The following STXBP5L variants were observed in gnomAD, a reference collection of about 807,000 sequenced individuals.
STXBP5L encodes the protein syntaxin binding protein 5L.
In STXBP5L, 65 loss-of-function variants were observed where a neutral mutation model predicts 144.5. The ratio of observed to expected loss-of-function variants is 0.45; its 90% CI spans 0.37 to 0.55. The LOEUF is 0.55. Among genes scored for constraint, STXBP5L ranks in the 20% least tolerant of loss-of-function variants. STXBP5L has a pLI of 0.00. For missense variants in STXBP5L, 1,298 were observed against 1,405.5 expected, an observed-to-expected ratio of 0.92 and a Z score of 1.22; for synonymous variants, 505 against 469.6, an observed-to-expected ratio of 1.08 and a Z score of -0.97.
intron 22 of STXBP5L, among the ~76,000 whole-genome samples, chr3:121,392,436 T>C (rs1296280890): frequency 6.6e-6 from 1 of 152,158 alleles, no homozygotes; most frequent in African/African-American, 2.4e-5. Flanking sequence ...CCCAATGAGA[T>C]GAACCAGTTA....
chr3:121,129,395 C>T (rs1406649943), intron 7 of STXBP5L, among the ~76,000 whole-genome samples: 1 of 148,344 alleles, frequency 6.7e-6, no homozygotes, highest in African/African-American at 2.5e-5. Flanking sequence ...GTCACCAATA[C>T]ATATTGTTGA....
chr3:121,320,542 A>T (rs1264979664), intron 20 of STXBP5L, among the ~76,000 whole-genome samples: 1 of 152,012 alleles, frequency 6.6e-6, no homozygotes, highest in Non-Finnish European at 1.5e-5. Context: ...TCTTGTTCCC[A>T]GTCTCATTGA....
chr3:121,266,158 T>C (rs1280683239), intron 18 of STXBP5L, among the ~76,000 whole-genome samples: 1 of 152,126 alleles, frequency 6.6e-6, no homozygotes, highest in Non-Finnish European at 1.5e-5. Context: ...TACCAAAACC[T>C]GGCAGAGACA....
chr3:121,360,719 G>A (rs533568223), intron 20 of STXBP5L, among the ~76,000 whole-genome samples: 2 of 151,970 alleles, frequency 1.3e-5, no homozygotes, highest in South Asian at 4.1e-4. Flanking sequence ...TTAACTTTTT[G>A]TTGTTTCTAT....
intron 19 of STXBP5L, among the ~76,000 whole-genome samples, chr3:121,281,266 G>GT (rs1409403932): frequency 6.6e-6 from 1 of 151,886 alleles, no homozygotes; most frequent in Admixed American, 6.6e-5. Context: ...GAAACCAAGG[G>GT]TTTTTAGTGA....
intron 19 of STXBP5L, among the ~76,000 whole-genome samples, chr3:121,310,520 C>A (rs528236736): frequency 2.6e-4 from 40 of 151,714 alleles, no homozygotes; most frequent in African/African-American, 9.4e-4. Flanking sequence ...AAGGCTGAGG[C>A]AGGAGAGGGG....
At chr3:121,233,312 G>C (rs2108315584) in intron 11 of STXBP5L, among the ~76,000 whole-genome samples, 1 of 152,244 alleles carries the variant, frequency 6.6e-6, no homozygotes, top group East Asian at 1.9e-4. Flanking sequence ...ATAAATGTTT[G>C]TGAGATCAGG....
intron 8 of STXBP5L, among the ~76,000 whole-genome samples, chr3:121,153,111 A>G (rs1372340672): frequency 6.6e-6 from 1 of 152,074 alleles, no homozygotes; most frequent in Admixed American, 6.6e-5. Flanking sequence ...TTAAATGACC[A>G]GATCTTGAAG....
At chr3:121,032,491 C>T (rs1946442164) in intron 3 of STXBP5L, among the ~76,000 whole-genome samples, 1 of 151,724 alleles carries the variant, frequency 6.6e-6, no homozygotes, top group South Asian at 2.1e-4. Flanking sequence ...TAGGCATTAC[C>T]ATTCAGGACA....
chr3:121,210,414 T>C (rs1347238145), intron 10 of STXBP5L, among the ~76,000 whole-genome samples: 2 of 151,884 alleles, frequency 1.3e-5, no homozygotes, highest in African/African-American at 4.8e-5. Flanking sequence ...TCTTTTGCTG[T>C]GCAGAAGCTC....
At chr3:120,913,679 A>C (rs1212907443) in intron 2 of STXBP5L, among the ~76,000 whole-genome samples, 1 of 152,010 alleles carries the variant, frequency 6.6e-6, no homozygotes, top group Non-Finnish European at 1.5e-5. Context: ...TCATATCTAC[A>C]ACTTTCAGTT....
In STXBP5L at chr3:120,929,809, T is replaced by C. The variant is rs73858217; in HGVS notation, c.189+20042T>C. Among the ~76,000 whole-genome samples, 602 of 152,240 alleles carry C rather than the reference T, an allele frequency of 4.0e-3. 3 individuals carry two copies. Among genetic ancestry groups the C allele is most frequent in the African/African-American group, 0.013 (552 of 41,582 alleles). ...AACTTAGTAAATGAAAAATACACTT[T>C]TGTAATTATTTAATTTGTATTTTAT... On this transcript the variant is annotated intron_variant, in intron 2 of 26. Coordinates refer to ENST00000471454, the MANE Select transcript of STXBP5L (RefSeq NM_001308330.2).
chr3:121,047,100 C>T (rs191379772), intron 5 of STXBP5L, among the ~76,000 whole-genome samples: 4 of 152,202 alleles, frequency 2.6e-5, no homozygotes, highest in African/African-American at 4.8e-5. Context: ...GCCATAATTT[C>T]ATTGTTTACC....
chr3:121,047,459 G>A (rs1202520284), intron 5 of STXBP5L, among the ~76,000 whole-genome samples: 1 of 152,096 alleles, frequency 6.6e-6, no homozygotes, highest in African/African-American at 2.4e-5. Context: ...GGGTGTTGAA[G>A]TCTCCCACTA....
intron 3 of STXBP5L, among the ~76,000 whole-genome samples, chr3:120,994,373 A>G (rs973968410): frequency 2.8e-4 from 42 of 152,052 alleles, no homozygotes; most frequent in African/African-American, 9.7e-4. Flanking sequence ...TCTGTGTCTT[A>G]GAAAAAAGGC....
At chr3:120,922,318 A>G (rs1270802650) in intron 2 of STXBP5L, among the ~76,000 whole-genome samples, 2 of 151,996 alleles carry the variant, frequency 1.3e-5, no homozygotes, top group Non-Finnish European at 1.5e-5. Flanking sequence ...TTTATTTTGT[A>G]TCCTGCAACT....
intron 5 of STXBP5L, 133 bp from the exon 6 acceptor site, chr3:121,114,792 C>G: frequency 2.0e-6 from 1 of 496,438 alleles, no homozygotes; most frequent in Non-Finnish European, 3.4e-6. Context: ...CAATGAATAA[C>G]TACATGCTAT....
chr3:120,953,381 C>T (rs571656300), intron 2 of STXBP5L, among the ~76,000 whole-genome samples: 20 of 121,980 alleles, frequency 1.6e-4, no homozygotes, highest in African/African-American at 4.8e-4. Context: ...CAGGCTGGGG[C>T]GTAGTGACAT....
At chr3:121,294,532 CTT>C (rs762473648) in intron 19 of STXBP5L, among the ~76,000 whole-genome samples, 2 of 151,752 alleles carry the variant, frequency 1.3e-5, no homozygotes, top group Non-Finnish European at 2.9e-5. Context: ...TAATTTGAGT[CTT>C]TAGCATATAG....
Sources: allele counts gnomAD v4.1 joint callset (sites outside exome capture counted in the v4.1 genomes callset), GRCh38; gene constraint gnomAD v4.1.1; transcripts MANE v1.5; gene names NCBI Gene and HGNC (gene_info 2026-07-23, HGNC 2026-07-21).